VPS53: variants seen among roughly 807,000 people sequenced by gnomAD.
VPS53 encodes VPS53 subunit of GARP complex.
In VPS53, 70 loss-of-function variants were observed where a neutral mutation model predicts 107.0. That is an observed-to-expected ratio of 0.65 (90% CI 0.54 to 0.80). The LOEUF is 0.80. Ranked by LOEUF, VPS53 falls within the 30% of genes least tolerant of loss-of-function variation. The pLI, the probability that VPS53 is intolerant of heterozygous loss-of-function variation, is 0.00. For missense variants in VPS53, 917 were observed against 1,049.4 expected (o/e 0.87, Z 1.74); for synonymous variants, 409 against 393.3 (o/e 1.04, Z -0.47).
intron 4 of VPS53, among the ~76,000 whole-genome samples, chr17:678,211 G>A (rs1567733223): frequency 1.3e-5 from 2 of 152,040 alleles, no homozygotes; most frequent in East Asian, 1.9e-4. Flanking sequence ...CCTGAGGTCA[G>A]GAGTTTCAGA....
intron 5 of VPS53, among the ~76,000 whole-genome samples, chr17:660,499 A>C (rs1003619218): frequency 6.6e-6 from 1 of 152,178 alleles, no homozygotes; most frequent in Non-Finnish European, 1.5e-5. Context: ...TTGGAAGAGG[A>C]AGCATACTCC....
chr17:526,217 G>C (rs1410661166), intron 19 of VPS53, among the ~76,000 whole-genome samples: 1 of 151,488 alleles, frequency 6.6e-6, no homozygotes, highest in Admixed American at 6.6e-5. Context: ...GCATTCATTT[G>C]TTGGTAGGAA....
intron 2 of VPS53, 87 bp downstream of exon 2, chr17:710,446 G>A (rs947500825): frequency 2.3e-5 from 23 of 1,015,774 alleles, no homozygotes; most frequent in Admixed American, 3.9e-5. Flanking sequence ...TCAAGGGCCC[G>A]TAGATGATCT....
intron 19 of VPS53, among the ~76,000 whole-genome samples, chr17:529,614 T>A (rs1178662565): frequency 6.6e-6 from 1 of 152,238 alleles, no homozygotes; most frequent in Non-Finnish European, 1.5e-5. Flanking sequence ...TTCTTATCAA[T>A]GAACATGAGC....
At chr17:560,102 C>T (rs996702462) in intron 15 of VPS53, among the ~76,000 whole-genome samples, 3 of 152,250 alleles carry the variant, frequency 2.0e-5, no homozygotes, top group Non-Finnish European at 4.4e-5. Context: ...CTAGCACAGA[C>T]AAGCTTGTTA....
chr17:697,625 G>T, intron 3 of VPS53, 141 bp from the exon 4 acceptor site: 1 of 684,602 alleles, frequency 1.5e-6, no homozygotes. Flanking sequence ...TGTGTGAGTG[G>T]CATCAGGCAG....
intron 15 of VPS53, among the ~76,000 whole-genome samples, chr17:559,069 T>G (rs1420778845): frequency 6.6e-6 from 1 of 152,114 alleles, no homozygotes; most frequent in Non-Finnish European, 1.5e-5. Context: ...TAAACAATGA[T>G]AGTAATAATG....
chr17:665,479 G>T (rs1448570397), intron 4 of VPS53, among the ~76,000 whole-genome samples: 1 of 152,146 alleles, frequency 6.6e-6, no homozygotes, highest in Non-Finnish European at 1.5e-5. Context: ...TAAGAAAACT[G>T]GTATCAAGAA....
intron 7 of VPS53, among the ~76,000 whole-genome samples, chr17:634,572 T>G (rs1455785536): frequency 2.5e-5 from 3 of 118,180 alleles, no homozygotes; most frequent in African/African-American, 3.3e-5. Context: ...CAGGCCCCGG[T>G]GTGTGATGTT....
chr17:624,914 T>C (rs543599846), intron 10 of VPS53, among the ~76,000 whole-genome samples: 1 of 152,016 alleles, frequency 6.6e-6, no homozygotes, highest in Non-Finnish European at 1.5e-5. Context: ...TTCCTCTTTC[T>C]TTCTTTTTCC....
At chr17:667,549 G>A in intron 4 of VPS53, among the ~76,000 whole-genome samples, 1 of 81,518 alleles carries the variant, frequency 1.2e-5, no homozygotes, top group South Asian at 6.0e-4. Flanking sequence ...TAATGTTCTG[G>A]GGGGGGCAAT....
intron 2 of VPS53, among the ~76,000 whole-genome samples, chr17:704,905 T>C (rs1973342307): frequency 1.3e-5 from 2 of 152,246 alleles, no homozygotes; most frequent in Non-Finnish European, 1.5e-5. Flanking sequence ...CCCAAATGTC[T>C]ATCTCCAGCT....
At chr17:651,235 A>G (rs569599626) in intron 7 of VPS53, among the ~76,000 whole-genome samples, 4 of 152,348 alleles carry the variant, frequency 2.6e-5, no homozygotes, top group Admixed American at 6.5e-5. Context: ...ACTGATAACA[A>G]TTACCACCTC....
chr17:584,457 G>A (rs962024047), intron 13 of VPS53, among the ~76,000 whole-genome samples: 2 of 152,180 alleles, frequency 1.3e-5, no homozygotes, highest in African/African-American at 4.8e-5. Context: ...AAACCTGGCC[G>A]CAGTGAGATG....
intron 15 of VPS53, among the ~76,000 whole-genome samples, chr17:558,320 A>G (rs2151847509): frequency 6.6e-6 from 1 of 152,248 alleles, no homozygotes; most frequent in Admixed American, 6.5e-5. Context: ...ACAAAAAATT[A>G]GCTGTGTGTG....
At chr17:639,909 C>G (rs569985257) in intron 7 of VPS53, among the ~76,000 whole-genome samples, 1 of 152,330 alleles carries the variant, frequency 6.6e-6, no homozygotes, top group South Asian at 2.1e-4. Flanking sequence ...CTGGGAGAAC[C>G]ACTACTCTCT....
chr17:631,688 G>A (rs372291644), intron 7 of VPS53, 60 bp from the exon 8 acceptor site: 18 of 1,512,862 alleles, frequency 1.2e-5, no homozygotes, highest in East Asian at 2.3e-5. Context: ...ACTACACACC[G>A]ATCCACAGGG....
At chr17:614,987 TA>T (rs1224825691) in intron 11 of VPS53, among the ~76,000 whole-genome samples, 1 of 152,224 alleles carries the variant, frequency 6.6e-6, no homozygotes, top group African/African-American at 2.4e-5. Flanking sequence ...GAGGCAGTTA[TA>T]AAAAGCTAAT....
At chr17:620,678 A>AT (rs67264596) in intron 11 of VPS53, among the ~76,000 whole-genome samples, 46,017 of 140,154 alleles carry the variant, frequency 0.33, 7,860 homozygotes, top group Middle Eastern at 0.43. Flanking sequence ...TCTACATTCT[A>AT]TTTTTTTTTT....
Sources: gnomAD v4.1 joint callset for allele counts (sites outside exome capture counted in the v4.1 genomes callset) on GRCh38, gnomAD v4.1.1 for gene constraint, MANE v1.5 for transcripts, NCBI Gene and HGNC (gene_info 2026-07-23, HGNC 2026-07-21) for gene names.